DLG2: variants seen among roughly 807,000 people sequenced by gnomAD.
DLG2 encodes discs large MAGUK scaffold protein 2.
DLG2 carries 45 observed loss-of-function variants against 132.5 expected under a neutral mutation model. The ratio of observed to expected loss-of-function variants is 0.34; its 90% CI spans 0.27 to 0.44. The LOEUF (loss-of-function observed/expected upper bound fraction) is 0.44, where lower values mean the gene tolerates loss of function less well. Among genes scored for constraint, DLG2 ranks in the 20% least tolerant of loss-of-function variants. DLG2 has a pLI of 1.00. For synonymous variants in DLG2, 424 were observed against 419.6 expected (o/e 1.01, Z -0.13); for missense variants, 1,045 against 1,196.9 (o/e 0.87, Z 1.87).
chr11:84,423,651 C>A (rs2098957725), intron 7 of DLG2, among the ~76,000 whole-genome samples: 1 of 152,128 alleles, frequency 6.6e-6, no homozygotes, highest in African/African-American at 2.4e-5. Context: ...TCTCAGCATA[C>A]TGTGAGGTAG....
At chr11:85,290,494 T>C (rs1024106508) in intron 3 of DLG2, among the ~76,000 whole-genome samples, 1 of 151,812 alleles carries the variant, frequency 6.6e-6, no homozygotes, top group African/African-American at 2.4e-5. Flanking sequence ...CAAATAGCCC[T>C]TTTGAGTCAC....
intron 5 of DLG2, among the ~76,000 whole-genome samples, chr11:85,146,781 A>T (rs921746882): frequency 6.6e-6 from 1 of 152,228 alleles, no homozygotes; most frequent in African/African-American, 2.4e-5. Context: ...AGCCCAGAGC[A>T]GTGCCAGGAC....
At chr11:84,589,012 G>A (rs2099536527) in intron 6 of DLG2, among the ~76,000 whole-genome samples, 1 of 152,126 alleles carries the variant, frequency 6.6e-6, no homozygotes, top group African/African-American at 2.4e-5. Flanking sequence ...GGACAATAGT[G>A]AGGAAACCCC....
intron 20 of DLG2, among the ~76,000 whole-genome samples, chr11:83,541,272 C>G (rs1432415726): frequency 6.6e-6 from 1 of 152,150 alleles, no homozygotes; most frequent in African/African-American, 2.4e-5. Context: ...GGACCTTAGC[C>G]TAGTAAATTG....
intron 3 of DLG2, among the ~76,000 whole-genome samples, chr11:85,332,124 T>G (rs2081799948): frequency 1.3e-5 from 2 of 152,164 alleles, no homozygotes; most frequent in Non-Finnish European, 2.9e-5. Context: ...CTTACCAAAA[T>G]CTGTTATTTT....
At chr11:84,932,807 T>TTATAAATTGCTATTATAAATA (rs1333313286) in intron 6 of DLG2, among the ~76,000 whole-genome samples, 14 of 152,188 alleles carry the variant, frequency 9.2e-5, no homozygotes, top group South Asian at 4.1e-4. Context: ...TTATAAATAG[T>TTATAAATTGCTATTATAAATA]GCTGCGATAA....
intron 5 of DLG2, among the ~76,000 whole-genome samples, chr11:85,130,696 T>C (rs758626009): frequency 1.6e-4 from 24 of 152,166 alleles, no homozygotes; most frequent in Non-Finnish European, 3.1e-4. Context: ...AGGAGATGAG[T>C]ATTAAACTAA....
chr11:83,782,810 T>C (rs2094887954), intron 18 of DLG2, among the ~76,000 whole-genome samples: 1 of 152,102 alleles, frequency 6.6e-6, no homozygotes, highest in African/African-American at 2.4e-5. Flanking sequence ...GTCATATCTC[T>C]TAGAAAGATA....
rs530583681 is a variant in DLG2 at position 84,683,774 on chromosome 11, A to G, written c.358-149043T>C. ...AGGATGGGTTTTGAGAAGCAATTTC[A>G]TTGTGAAACAAAGTTCCACAATGTC... On this transcript the variant is annotated intron_variant, in intron 6 of 27. Transcript: ENST00000376104. 7.2e-5 allele frequency among the ~76,000 whole-genome samples: 11 copies of G among 152,320 alleles called. No homozygotes were observed. The South Asian group carries it at 1.4e-3, about 20-fold the overall frequency.
At chr11:83,925,368 G>A (rs1288845167) in intron 15 of DLG2, among the ~76,000 whole-genome samples, 2 of 152,010 alleles carry the variant, frequency 1.3e-5, no homozygotes, top group African/African-American at 4.8e-5. Context: ...TTCATGAATT[G>A]TTCTTTGCTC....
In DLG2 at chr11:84,505,770, A is replaced by G. The variant is rs137952544; in HGVS notation, c.519+28800T>C. Among the ~76,000 whole-genome samples, 23 of 152,328 alleles carry G rather than the reference A, an allele frequency of 1.5e-4. No individual in the cohort carries two copies. In the East Asian group the frequency reaches 4.2e-3, roughly 28 times the overall value. ...CTTAGAATACAGCTTGCATTTATCA[A>G]GGACATATGGGGAACAAGAAATCTC... On this transcript the variant is annotated intron_variant, in intron 7 of 27. Coordinates refer to ENST00000376104, the MANE Select transcript of DLG2 (RefSeq NM_001142699.3).
At chr11:83,928,577 T>C (rs1044429388) in intron 15 of DLG2, among the ~76,000 whole-genome samples, 5 of 151,964 alleles carry the variant, frequency 3.3e-5, no homozygotes, top group African/African-American at 7.3e-5. Context: ...AGGGAAAGGA[T>C]AGAAAAAGAG....
intron 4 of DLG2, among the ~76,000 whole-genome samples, chr11:85,216,143 C>T (rs1777732715): frequency 6.6e-6 from 1 of 151,972 alleles, no homozygotes; most frequent in African/African-American, 2.4e-5. Context: ...CAGTAGAAAC[C>T]TCATCTCAAA....
intron 6 of DLG2, among the ~76,000 whole-genome samples, chr11:84,566,659 A>G (rs1040918655): frequency 9.2e-5 from 14 of 152,228 alleles, no homozygotes; most frequent in Non-Finnish European, 1.8e-4. Flanking sequence ...CAATGTGACT[A>G]ACTGAATTGA....
Position 84,875,161 on chromosome 11 carries a change from C to T in DLG2, c.357+236500G>A, listed in dbSNP as rs553150473. The stretch of plus-strand genomic sequence containing the variant: ...GGCCAATTCGTGATATTAAGAATGA[C>T]GGAGGAGGGGATTTTTCAATAAAAA... On this transcript the variant is annotated intron_variant, in intron 6 of 27. Transcript: ENST00000376104. Among the ~76,000 whole-genome samples the T allele has an allele frequency of 2.4e-4, 37 of 151,690 alleles. 2 individuals are homozygous for T. Among genetic ancestry groups the T allele is most frequent in the African/African-American group, 8.0e-4 (33 of 41,360 alleles).
intron 6 of DLG2, among the ~76,000 whole-genome samples, chr11:84,707,487 T>C (rs1039754194): frequency 3.3e-5 from 5 of 151,776 alleles, no homozygotes; most frequent in Admixed American, 3.3e-4. Flanking sequence ...GTCCTGGACT[T>C]CTGAAGTGGA....
chr11:85,390,097 G>T (rs1179938242), intron 3 of DLG2, among the ~76,000 whole-genome samples: 1 of 152,192 alleles, frequency 6.6e-6, no homozygotes, highest in South Asian at 2.1e-4. Flanking sequence ...AGTATCTGCT[G>T]TCTTCAAGAA....
At chr11:85,430,778 C>A (rs1410298957) in intron 3 of DLG2, among the ~76,000 whole-genome samples, 1 of 145,816 alleles carries the variant, frequency 6.9e-6, no homozygotes, top group Non-Finnish European at 1.5e-5. Flanking sequence ...CTGTAAAGCA[C>A]AACACTCAAT....
chr11:85,086,577 C>A (rs1055070169), intron 6 of DLG2, among the ~76,000 whole-genome samples: 33 of 152,096 alleles, frequency 2.2e-4, no homozygotes, highest in African/African-American at 7.7e-4. Context: ...CCTAGTAGCT[C>A]CCAAAATTCA....
Sources: allele counts gnomAD v4.1 joint callset (sites outside exome capture counted in the v4.1 genomes callset), GRCh38; gene constraint gnomAD v4.1.1; transcripts MANE v1.5; gene names NCBI Gene and HGNC (gene_info 2026-07-23, HGNC 2026-07-21).